SIVA1: variants seen among roughly 807,000 people sequenced by gnomAD.
SIVA1 encodes the protein SIVA1 apoptosis inducing factor.
A neutral mutation model predicts 19.7 loss-of-function variants in SIVA1; 10 were observed. The ratio of observed to expected loss-of-function variants is 0.51; its 90% CI spans 0.31 to 0.86. The LOEUF (loss-of-function observed/expected upper bound fraction) is 0.86. Among genes scored for constraint, SIVA1 ranks in the 40% least tolerant of loss-of-function variants. The probability of loss-of-function intolerance (pLI) is 0.04; values close to 1 mark genes in which losing one functional copy is unlikely to be tolerated. For missense variants in SIVA1, 241 were observed against 245.2 expected (o/e 0.98, Z 0.11); for synonymous variants, 130 against 106.1 (o/e 1.23, Z -1.39).
chr14:104,756,432 T>C, intron 2 of SIVA1, 172 bp from the exon 3 acceptor site: 1 of 653,892 alleles, frequency 1.5e-6, no homozygotes, highest in South Asian at 1.8e-5. Context: ...AAAACGGGGG[T>C]CCTGTGCACT....
At chr14:104,756,864 C>T in intron 3 of SIVA1, 104 bp downstream of exon 3, 1 of 1,279,298 alleles carries the variant, frequency 7.8e-7, no homozygotes, top group Non-Finnish European at 1.1e-6. Flanking sequence ...ACACGTGTGG[C>T]CCCTGATGCA....
Position 104,755,810 on chromosome 14 carries a change from A to G in SIVA1, c.299A>G (p.Gln100Arg), listed in dbSNP as rs370122831. The part of the protein sequence containing the change: ...PDGRLIRSLG[Q>R]ASEADPSGVA... ...GGCCGCCTGATCAGGAGCCTTGGGC[A>G]GGCCTCCGAAGCTGGTGAGTGGCAC... The change falls in exon 2 of 4, where the codon CAG becomes CGG. Residue 100 changes from glutamine (Q) to arginine (R), a missense_variant. Transcript: ENST00000329967. 2.9e-5 allele frequency: 46 copies of G among 1,613,550 alleles called. No individual in the cohort carries two copies. The highest frequency in any genetic ancestry group is 3.7e-5 in the Non-Finnish European group (44 of 1,179,900).
At chr14:104,757,889 C>G (rs1048167184) in intron 3 of SIVA1, 1 of 152,600 alleles carries the variant, frequency 6.6e-6, no homozygotes, top group Non-Finnish European at 1.5e-5. Flanking sequence ...CCTCTACCTA[C>G]TTTCTGCTGC....
chr14:104,755,491 A>G, intron 1 of SIVA1, 139 bp from the exon 2 acceptor site: 1 of 769,918 alleles, frequency 1.3e-6, no homozygotes, highest in Non-Finnish European at 2.2e-6. Flanking sequence ...CCAGGGCACA[A>G]CACAGGCTGG....
At chr14:104,754,761 C>G (rs1347785211) in intron 1 of SIVA1, among the ~76,000 whole-genome samples, 3 of 152,218 alleles carry the variant, frequency 2.0e-5, no homozygotes, top group African/African-American at 7.2e-5. Context: ...TGTCCCATTC[C>G]TTTCCCCTTA....
intron 2 of SIVA1, 149 bp downstream of exon 2, chr14:104,755,973 G>A (rs1315451916): frequency 1.3e-6 from 1 of 763,300 alleles, no homozygotes; most frequent in African/African-American, 1.7e-5. Context: ...GAAGGCTCCT[G>A]TTATCAGGAG....
At chr14:104,755,578 G>A in intron 1 of SIVA1, 52 bp from the exon 2 acceptor site, 1 of 1,513,812 alleles carries the variant, frequency 6.6e-7, no homozygotes. Flanking sequence ...GGCCATGCAG[G>A]GGCTTCGTTG....
At chr14:104,753,651 C>T (rs1449574237) in intron 1 of SIVA1, 3 of 449,836 alleles carry the variant, frequency 6.7e-6, no homozygotes, top group Non-Finnish European at 1.3e-5. Context: ...TCAGGACTGT[C>T]CCGTGCAGGA....
rs538879070 is a variant in SIVA1, at chr14:104,753,174, G to T, written c.-28G>T. 2.6e-5 allele frequency: 37 copies of T among 1,434,714 alleles called. No individual in the cohort carries two copies. The highest frequency in any genetic ancestry group is 4.3e-4 in the Middle Eastern group (2 of 4,598). The allele number at this position is 1,434,714 out of a possible 1,614,324, so 88.9% of individuals were successfully genotyped here. ...CGTTGGTAAGGGGCTGGCGGCCGGG[G>T]AGCTGCGTAGCTCCCGGCCCCGCGG... On this transcript the variant is annotated 5_prime_UTR_variant, in exon 1 of 4. Transcript: ENST00000329967.
chr14:104,753,993 G>A (rs548191719), intron 1 of SIVA1: 10 of 301,048 alleles, frequency 3.3e-5, no homozygotes, highest in South Asian at 1.3e-4. Context: ...CAGAGGAAGG[G>A]AAGGAAGAGG....
intron 3 of SIVA1, chr14:104,757,076 TC>T (rs1467558262): frequency 1.2e-5 from 5 of 403,026 alleles, no homozygotes; most frequent in Non-Finnish European, 2.3e-5. Flanking sequence ...GAGCCCCCCC[TC>T]CCCCCGTCCG....
rs1595229358 is a variant in SIVA1 at position 104,759,230 on chromosome 14, C to T, written c.471-198C>T. ...TTCTCTTCACGTAGTCTTTTTAGGA[C>T]GCTGGTCGTGTTGCCTTAGGGCCCC... On this transcript the variant is annotated intron_variant, in intron 3 of 3. Coordinates refer to ENST00000329967, the MANE Select transcript of SIVA1 (RefSeq NM_006427.4). The surrounding 1 kb of genome is among the most constrained non-coding windows in gnomAD (Gnocchi z 4.2). 1.0e-5 allele frequency: 5 copies of T among 483,900 alleles called. No individual in the cohort carries two copies. In the South Asian group the frequency reaches 1.4e-4, roughly 13 times the overall value. 30.0% of individuals were successfully genotyped at this position (483,900 alleles called of 1,614,324 possible). A position where few individuals can be genotyped will look rare whatever the true frequency, so the allele number is the denominator to read the frequency against.
chr14:104,759,389 G>C lies in SIVA1; in HGVS notation c.471-39G>C, dbSNP rs762710748. ...GGGTGGTGGACACAATTCAGCCCCT[G>C]ACAGCAGCTTTTCTCTCCCCTCCCT... On this transcript the variant is annotated intron_variant, in intron 3 of 3. Coordinates refer to ENST00000329967, the MANE Select transcript of SIVA1 (RefSeq NM_006427.4). This position sits in a 1 kb window ranked among gnomAD's most constrained non-coding sequence, Gnocchi z 4.2. 6.3e-7 allele frequency: 1 copy of C among 1,591,498 alleles called. No homozygotes were observed. The highest frequency in any genetic ancestry group is 1.1e-5 in the South Asian group (1 of 89,046).
rs759096348 is a variant in SIVA1 at position 104,755,744 on chromosome 14, C to T, written c.233C>T (p.Ala78Val). The change falls in exon 2 of 4, where the codon GCC (alanine) becomes GTC (valine). Residue 78 changes from alanine (A) to valine (V), a missense_variant. Physicochemically the swap from Ala to Val is moderately conservative, Grantham distance 64. Transcript: ENST00000329967. The stretch of plus-strand genomic sequence containing the variant: ...TCCCCAAAGCCTGGCCCTACAGGGG[C>T]CCCGAGGGCTGCACGTGGGCAGATG... ...PESPKPGPTG[A>V]PRAARGQMLI... 96 of 1,614,016 alleles carry T rather than the reference C, an allele frequency of 5.9e-5. No individual in the cohort carries two copies. The East Asian group carries it at 2.0e-3, about 33-fold the overall frequency.
chr14:104,753,327 T>C lies in SIVA1; in HGVS notation c.118+8T>C, dbSNP rs761577032. ...ACTCGCAGGAGGTCTTCGGTGAGTG[T>C]CGGGCGGGCTGCCGAGGGTCCGCTG... On this transcript the variant is annotated splice_region_variant and intron_variant, in intron 1 of 3. Coordinates refer to ENST00000329967, the MANE Select transcript of SIVA1 (RefSeq NM_006427.4). 6.4e-7 allele frequency: 1 copy of C among 1,574,642 alleles called. No individual in the cohort carries two copies. The highest frequency in any genetic ancestry group is 8.6e-7 in the Non-Finnish European group (1 of 1,158,296).
At chr14:104,757,237 C>A in intron 3 of SIVA1, 1 of 401,664 alleles carries the variant, frequency 2.5e-6, no homozygotes, top group Non-Finnish European at 4.9e-6. Flanking sequence ...TGGATCCCGT[C>A]CTTACTCCTA....
In SIVA1 at chr14:104,759,094, A is replaced by G. The variant is rs765341502; in HGVS notation, c.471-334A>G. ...AGGGCTGGTTCCTTCTGAGGCTGCAATGGAAAACCTGTCCTGGCCTCTCTC... is the reference window on the plus strand; with the variant it reads ...AGGGCTGGTTCCTTCTGAGGCTGCAGTGGAAAACCTGTCCTGGCCTCTCTC... On this transcript the variant is annotated intron_variant, in intron 3 of 3. Transcript: ENST00000329967. The surrounding 1 kb of genome is among the most constrained non-coding windows in gnomAD (Gnocchi z 4.2). The G allele has an allele frequency of 2.2e-4, 44 of 200,576 alleles. No individual in the cohort carries two copies. The highest frequency in any genetic ancestry group is 7.2e-4 in the Admixed American group (12 of 16,758). The allele number at this position is 200,576 out of a possible 1,614,324, so 12.4% of individuals were successfully genotyped here.
chr14:104,753,286 G>A lies in SIVA1; in HGVS notation c.85G>A (p.Val29Met). 6.2e-7 allele frequency: 1 copy of A among 1,601,202 alleles called. No homozygotes were observed. The highest frequency in any genetic ancestry group is 8.5e-7 in the Non-Finnish European group (1 of 1,175,750). Reference sequence around the variant, plus strand: ...GAGCCAGAGGGAGTTGAGCCGCGGCGTGTGCGCCGAGCGCTACTCGCAGGA... The same window carrying A: ...GAGCCAGAGGGAGTTGAGCCGCGGCATGTGCGCCGAGCGCTACTCGCAGGA... The part of the protein sequence containing the change: ...RVSQRELSRG[V>M]CAERYSQEVF... The change falls in exon 1 of 4, where the codon GTG becomes ATG. Residue 29 changes from valine (V) to methionine (M), a missense_variant. Val to Met is a conservative substitution (Grantham distance 21). Coordinates refer to ENST00000329967, the MANE Select transcript of SIVA1 (RefSeq NM_006427.4).
chr14:104,753,381 A>C, intron 1 of SIVA1, 62 bp downstream of exon 1: 3 of 1,183,022 alleles, frequency 2.5e-6, no homozygotes, highest in Admixed American at 4.4e-5. Flanking sequence ...GCCGGGCCTC[A>C]GCGTCCCCTC....
Sources: allele counts gnomAD v4.1 joint callset (sites outside exome capture counted in the v4.1 genomes callset), GRCh38; gene constraint gnomAD v4.1.1; non-coding constraint Gnocchi (gnomAD v3.1); transcripts MANE v1.5; gene names NCBI Gene and HGNC (gene_info 2026-07-23, HGNC 2026-07-21).